PDE1C: variants seen among roughly 807,000 people sequenced by gnomAD.
The protein encoded by PDE1C is dual specificity calcium/calmodulin-dependent 3',5'-cyclic nucleotide phosphodiesterase 1C.
In PDE1C, 62 loss-of-function variants were observed where a neutral mutation model predicts 93.1. The ratio of observed to expected loss-of-function variants is 0.67; its 90% CI spans 0.54 to 0.82. The LOEUF is 0.82. Ranked by LOEUF, PDE1C falls within the 40% of genes least tolerant of loss-of-function variation. PDE1C has a pLI of 0.00. For missense variants in PDE1C, 742 were observed against 884.6 expected (o/e 0.84, Z 2.04); for synonymous variants, 325 against 310.1 (o/e 1.05, Z -0.50).
At chr7:31,767,955 G>C (rs1037452055) in intron 17 of PDE1C, among the ~76,000 whole-genome samples, 2 of 152,198 alleles carry the variant, frequency 1.3e-5, no homozygotes, top group Admixed American at 1.3e-4. Flanking sequence ...ATCACATTGT[G>C]TGGGGGTTCA....
intron 1 of PDE1C, among the ~76,000 whole-genome samples, chr7:32,067,121 C>G (rs1795495174): frequency 6.6e-6 from 1 of 151,324 alleles, no homozygotes; most frequent in African/African-American, 2.4e-5. Context: ...TGTCTATAAT[C>G]CCAGCTAAGA....
At chr7:31,956,458 A>G (rs543500203) in intron 2 of PDE1C, among the ~76,000 whole-genome samples, 1 of 150,020 alleles carries the variant, frequency 6.7e-6, no homozygotes, top group Admixed American at 6.7e-5. Context: ...CTTCTGACTC[A>G]TCTATTTCTT....
At chr7:31,983,629 A>AT (rs200680650) in intron 2 of PDE1C, among the ~76,000 whole-genome samples, 39 of 152,240 alleles carry the variant, frequency 2.6e-4, no homozygotes, top group African/African-American at 3.6e-4. Context: ...AAAAATAATA[A>AT]TTTTTTTTAA....
intron 2 of PDE1C, among the ~76,000 whole-genome samples, chr7:31,999,471 G>A (rs879442303): frequency 1.3e-5 from 2 of 152,152 alleles, no homozygotes; most frequent in Admixed American, 6.5e-5. Context: ...ACCATGCTCA[G>A]TAGAGCCCAA....
the PDE1C span, among the ~76,000 whole-genome samples, chr7:31,732,014 T>C: frequency 6.6e-6 from 1 of 152,162 alleles, no homozygotes; most frequent in African/African-American, 2.4e-5. Context: ...CCCAGATGGA[T>C]TGCTTCCCAG....
At chr7:31,942,952 G>A (rs779755718) in intron 2 of PDE1C, among the ~76,000 whole-genome samples, 3 of 152,124 alleles carry the variant, frequency 2.0e-5, no homozygotes, top group Admixed American at 6.6e-5. Flanking sequence ...AGAGAAGCAG[G>A]TGTCAATAAC....
At chr7:32,111,888 G>T (rs1325805650) in intron 3 of PDE1C, among the ~76,000 whole-genome samples, 1 of 152,188 alleles carries the variant, frequency 6.6e-6, no homozygotes, top group Non-Finnish European at 1.5e-5. Flanking sequence ...AGATAATATA[G>T]ATGGTCAAAT....
the PDE1C span, among the ~76,000 whole-genome samples, chr7:31,722,410 C>A: frequency 6.6e-6 from 1 of 152,182 alleles, no homozygotes; most frequent in Admixed American, 6.5e-5. Flanking sequence ...AGACACAAAA[C>A]AGACAAAGTG....
intron 1 of PDE1C, among the ~76,000 whole-genome samples, chr7:32,397,267 G>A (rs138460531): frequency 2.6e-5 from 4 of 152,180 alleles, no homozygotes; most frequent in African/African-American, 7.2e-5. Context: ...AGGGACTAAT[G>A]CCAGAAACCC....
At chr7:32,093,938 A>G (rs2128746144) in intron 3 of PDE1C, among the ~76,000 whole-genome samples, 1 of 152,288 alleles carries the variant, frequency 6.6e-6, no homozygotes, top group South Asian at 2.1e-4. Context: ...TCACCTCTCA[A>G]TCTCAGGGAT....
At chr7:32,108,209 AG>A (rs1331065344) in intron 3 of PDE1C, among the ~76,000 whole-genome samples, 18 of 142,812 alleles carry the variant, frequency 1.3e-4, no homozygotes, top group African/African-American at 4.5e-4. Context: ...AGAGACTGTC[AG>A]CATGGATAAA....
At chr7:32,340,970 C>T (rs908964850) in intron 1 of PDE1C, among the ~76,000 whole-genome samples, 1 of 152,012 alleles carries the variant, frequency 6.6e-6, no homozygotes, top group African/African-American at 2.4e-5. Flanking sequence ...CTGTGCAACA[C>T]CAAGAATGGC....
chr7:31,717,441 C>T, the PDE1C span, among the ~76,000 whole-genome samples: 1,027 of 152,180 alleles, frequency 6.7e-3, 10 homozygotes, highest in African/African-American at 0.023. Flanking sequence ...GGAGCCAAGC[C>T]AGAGTGTGTG....
At chr7:31,869,424 A>G (rs922059660) in intron 6 of PDE1C, among the ~76,000 whole-genome samples, 8 of 152,122 alleles carry the variant, frequency 5.3e-5, no homozygotes, top group Non-Finnish European at 7.4e-5. Context: ...AAAAAGACAT[A>G]AAAAATATTC....
At chr7:31,977,122 A>G (rs956609205) in intron 2 of PDE1C, among the ~76,000 whole-genome samples, 4 of 152,318 alleles carry the variant, frequency 2.6e-5, no homozygotes, top group Admixed American at 6.5e-5. Context: ...CACAAACTTC[A>G]TATGTTGGAA....
In PDE1C at chr7:31,872,217, G is replaced by A. The variant is rs554314284; in HGVS notation, c.609+1075C>T. On this transcript the variant is annotated intron_variant, in intron 6 of 17. Coordinates refer to ENST00000396191, the MANE Select transcript of PDE1C (RefSeq NM_001191057.4). The stretch of plus-strand genomic sequence containing the variant: ...AGTAGAATGATAGATACTGGAGGCT[G>A]GGATGTGTGTGGGGGTATAGGGGGT... 6.2e-4 allele frequency among the ~76,000 whole-genome samples: 94 copies of A among 152,206 alleles called. 1 individual carries two copies. The highest frequency in any genetic ancestry group is 2.1e-3 in the African/African-American group (89 of 41,536).
chr7:32,330,521 G>A (rs1202463328), intron 1 of PDE1C, among the ~76,000 whole-genome samples: 9 of 152,220 alleles, frequency 5.9e-5, no homozygotes, highest in Non-Finnish European at 1.3e-4. Context: ...GCTAAACCCT[G>A]AGGACATGGC....
intron 2 of PDE1C, among the ~76,000 whole-genome samples, chr7:31,978,226 T>C (rs1811919606): frequency 6.6e-6 from 1 of 152,122 alleles, no homozygotes; most frequent in Non-Finnish European, 1.5e-5. Flanking sequence ...GTCTCTCCAA[T>C]TCAGATCTCC....
intron 1 of PDE1C, among the ~76,000 whole-genome samples, chr7:32,210,669 C>G (rs1805956142): frequency 6.6e-6 from 1 of 152,044 alleles, no homozygotes. Flanking sequence ...AGCTTTGCCT[C>G]ACCATCTACA....
Sources: gnomAD v4.1 joint callset for allele counts (sites outside exome capture counted in the v4.1 genomes callset) on GRCh38, gnomAD v4.1.1 for gene constraint, MANE v1.5 for transcripts, NCBI Gene and HGNC (gene_info 2026-07-23, HGNC 2026-07-21) for gene names.